The following ZNF710 variants were observed in gnomAD, a reference collection of about 807,000 sequenced individuals.
ZNF710 encodes zinc finger protein 710.
In ZNF710, 13 loss-of-function variants were observed where a neutral mutation model predicts 50.6. The ratio of observed to expected loss-of-function variants is 0.26; its 90% CI spans 0.17 to 0.41. ZNF710 has a LOEUF of 0.41. Ranked by LOEUF, ZNF710 falls within the 10% of genes least tolerant of loss-of-function variation. The pLI, the probability that ZNF710 is intolerant of heterozygous loss-of-function variation, is 1.00. For synonymous variants in ZNF710, 383 were observed against 397.0 expected, an observed-to-expected ratio of 0.96 and a Z score of 0.42; for missense variants, 721 against 936.6, an observed-to-expected ratio of 0.77 and a Z score of 3.01.
chr15:90,058,769 G>A (rs1205902343), intron 1 of ZNF710, among the ~76,000 whole-genome samples: 1 of 150,632 alleles, frequency 6.6e-6, no homozygotes, highest in Non-Finnish European at 1.5e-5. Context: ...TAAGGAATTG[G>A]CTCCTGTGAT....
intron 1 of ZNF710, among the ~76,000 whole-genome samples, chr15:90,061,828 G>C (rs1391713325): frequency 6.6e-6 from 1 of 152,204 alleles, no homozygotes; most frequent in Admixed American, 6.5e-5. Context: ...CCATTTTACA[G>C]ATCAGGAAAT....
At chr15:90,008,455 T>TAC (rs1898210162) in intron 1 of ZNF710, among the ~76,000 whole-genome samples, 2 of 130,712 alleles carry the variant, frequency 1.5e-5, no homozygotes, top group African/African-American at 6.5e-5. Context: ...TATATATATG[T>TAC]ATATATATAT....
chr15:90,045,376 G>A, intron 1 of ZNF710: 1 of 985,468 alleles, frequency 1.0e-6, no homozygotes, highest in Non-Finnish European at 1.2e-6. Context: ...GGAGAGGTTA[G>A]ACAGTGACGG....
chr15:90,038,954 C>T (rs1186284459), intron 1 of ZNF710, among the ~76,000 whole-genome samples: 1 of 152,144 alleles, frequency 6.6e-6, no homozygotes, highest in Admixed American at 6.5e-5. Context: ...CCAGAAAAAG[C>T]AATGGCTTTG....
chr15:90,053,391 C>T (rs28623601), intron 1 of ZNF710, among the ~76,000 whole-genome samples: 16,275 of 151,396 alleles, frequency 0.11, 1,040 homozygotes, highest in African/African-American at 0.15. Flanking sequence ...CTCTGTCACC[C>T]GGGCTGGAGT....
At chr15:90,031,705 C>G (rs768985730) in intron 1 of ZNF710, among the ~76,000 whole-genome samples, 27 of 152,184 alleles carry the variant, frequency 1.8e-4, no homozygotes, top group Non-Finnish European at 3.7e-4. Flanking sequence ...TCAGTGGCCA[C>G]GTCATCTCTC....
rs1365568220 is a variant in ZNF710, at chr15:90,062,943, G to A, written c.-28-4167G>A. Among the ~76,000 whole-genome samples, 2 of 152,188 alleles carry A rather than the reference G, an allele frequency of 1.3e-5. No homozygotes were observed. The highest frequency in any genetic ancestry group is 2.4e-5 in the African/African-American group (1 of 41,452). On this transcript the variant is annotated intron_variant, in intron 1 of 4. Coordinates refer to ENST00000268154, the MANE Select transcript of ZNF710 (RefSeq NM_198526.4). This position sits in a 1 kb window ranked among gnomAD's most constrained non-coding sequence, Gnocchi z 5.6. ...CTCACAAAGAGAGCATTACAGGGTG[G>A]TGTGTGTTCTACTCAGCCAAGTCTC...
chr15:90,039,175 A>T (rs1325548970), intron 1 of ZNF710, among the ~76,000 whole-genome samples: 3 of 152,020 alleles, frequency 2.0e-5, no homozygotes, highest in Non-Finnish European at 2.9e-5. Flanking sequence ...GCTACTCGGG[A>T]GGCTGAGGCA....
At chr15:90,074,544 C>A (rs936018800) in intron 4 of ZNF710, 14 of 1,424,908 alleles carry the variant, frequency 9.8e-6, no homozygotes, top group African/African-American at 2.8e-5. Context: ...TTATTGAGTG[C>A]TAACTGTGTG....
chr15:90,021,547 C>T (rs1380838272), intron 1 of ZNF710, among the ~76,000 whole-genome samples: 20 of 152,174 alleles, frequency 1.3e-4, no homozygotes, highest in Admixed American at 1.2e-3. Flanking sequence ...GCCCTTTGTT[C>T]TCTCTTACTT....
chr15:90,027,885 C>T (rs1198197652), intron 1 of ZNF710, among the ~76,000 whole-genome samples: 1 of 151,130 alleles, frequency 6.6e-6, no homozygotes, highest in Non-Finnish European at 1.5e-5. Context: ...AGACAATATG[C>T]ACAGACGATA....
At chr15:90,035,221 G>A (rs4932276) in intron 1 of ZNF710, among the ~76,000 whole-genome samples, 37,384 of 152,216 alleles carry the variant, frequency 0.25, 5,339 homozygotes, top group East Asian at 0.64. Context: ...CATGGTGTGG[G>A]GGCTGAGACA....
intron 1 of ZNF710, among the ~76,000 whole-genome samples, chr15:90,022,534 C>G (rs938090372): frequency 6.6e-6 from 1 of 152,172 alleles, no homozygotes; most frequent in East Asian, 1.9e-4. Context: ...TCAAAAGGCT[C>G]GGGCTTCATC....
At chr15:90,003,019 G>A (rs537437516) in intron 1 of ZNF710, among the ~76,000 whole-genome samples, 1 of 152,250 alleles carries the variant, frequency 6.6e-6, no homozygotes, top group South Asian at 2.1e-4. Context: ...GACTACAGGC[G>A]CACGCCACCA....
chr15:90,067,919 C>T lies in ZNF710; in HGVS notation c.782C>T (p.Ser261Leu), dbSNP rs1331208744. The T allele has an allele frequency of 4.3e-6, 7 of 1,611,996 alleles. No individual in the cohort carries two copies. The highest frequency in any genetic ancestry group is 5.9e-6 in the Non-Finnish European group (7 of 1,179,136). The change falls in exon 2 of 5, where the codon TCG becomes TTG. Residue 261 changes from serine (S) to leucine (L), a missense_variant. By Grantham distance (145) the Ser-to-Leu change is moderately radical. This residue lies in a region of ZNF710 where 326 missense variants were observed against 522.0 expected (regional missense o/e 0.62). Transcript: ENST00000268154. This position sits in a 1 kb window ranked among gnomAD's most constrained non-coding sequence, Gnocchi z 8.1. ...GAGTTCGAGGCTGACACGGCGGGTT[C>T]GACCGTGGAACGCCACAAGAAGGCC... is the stretch of plus-strand genomic sequence containing the variant. ...ASEFEADTAGSTVERHKKAQL... is the reference protein window; with the variant it reads ...ASEFEADTAGLTVERHKKAQL...
intron 1 of ZNF710, among the ~76,000 whole-genome samples, chr15:90,022,043 CTG>C (rs1377978926): frequency 6.6e-6 from 1 of 151,658 alleles, no homozygotes; most frequent in Non-Finnish European, 1.5e-5. Flanking sequence ...GATCCAGCCA[CTG>C]TACTTCAGGC....
rs1186343570 is a variant in ZNF710 at position 90,034,378 on chromosome 15, G to T, written c.-28-32732G>T. ...TCTATGTTATTTGAAAAAGTGGATT[G>T]CATTGTGGGTCCCCAGAAGTTGCCA... On this transcript the variant is annotated intron_variant, in intron 1 of 4. Transcript: ENST00000268154. This position sits in a 1 kb window ranked among gnomAD's most constrained non-coding sequence, Gnocchi z 4.0. Among the ~76,000 whole-genome samples, 1 of 151,566 alleles carries T rather than the reference G, an allele frequency of 6.6e-6. No individual in the cohort carries two copies. Among genetic ancestry groups the T allele is most frequent in the Non-Finnish European group, 1.5e-5 (1 of 67,980 alleles).
In ZNF710 at chr15:90,073,193, C is replaced by T. The variant is rs1485232257; in HGVS notation, c.1581C>T (p.Thr527=). The change falls in exon 3 of 5, where the codon ACC becomes ACT. Residue 527 remains threonine (T), a synonymous_variant. Transcript: ENST00000268154. ...RPYQCHICFK[T]FVQKQTLKTH... ...ACCAGTGCCACATCTGCTTCAAGAC[C>T]TTTGTACAGAAGCAGACTCTCAAGA... The T allele has an allele frequency of 5.0e-6, 8 of 1,614,194 alleles. No homozygotes were observed. The highest frequency in any genetic ancestry group is 5.9e-6 in the Non-Finnish European group (7 of 1,180,046).
chr15:90,045,561 T>C (rs1596285667), intron 1 of ZNF710, among the ~76,000 whole-genome samples: 1 of 151,752 alleles, frequency 6.6e-6, no homozygotes, highest in South Asian at 2.1e-4. Context: ...GGAGTGGTGG[T>C]GGTGCGTGGC....
Sources: gnomAD v4.1 joint callset for allele counts (sites outside exome capture counted in the v4.1 genomes callset) on GRCh38, gnomAD v4.1.1 for gene constraint, gnomAD v4.1.1 regional missense constraint, Gnocchi (gnomAD v3.1) non-coding constraint, MANE v1.5 for transcripts, NCBI Gene and HGNC (gene_info 2026-07-23, HGNC 2026-07-21) for gene names.